The following DEPTOR variants were observed in gnomAD, a reference collection of about 807,000 sequenced individuals.
DEPTOR encodes DEP domain containing MTOR interacting protein.
A neutral mutation model predicts 41.6 loss-of-function variants in DEPTOR; 41 were observed. The ratio of observed to expected loss-of-function variants is 0.98; its 90% CI spans 0.77 to 1.28. DEPTOR has a LOEUF of 1.28. DEPTOR is among the 50% of genes most tolerant of loss of function. DEPTOR has a pLI of 0.00. For missense variants in DEPTOR, 514 were observed against 527.9 expected, an observed-to-expected ratio of 0.97 and a Z score of 0.26; for synonymous variants, 195 against 192.3, an observed-to-expected ratio of 1.01 and a Z score of -0.12.
intron 1 of DEPTOR, among the ~76,000 whole-genome samples, chr8:119,905,189 T>C (rs867705914): frequency 1.1e-4 from 16 of 152,174 alleles, no homozygotes; most frequent in Middle Eastern, 6.8e-3. Context: ...ATGAAAACCA[T>C]TGGAATCTTG....
intron 1 of DEPTOR, among the ~76,000 whole-genome samples, chr8:119,900,361 T>A (rs1827573172): frequency 7.7e-6 from 1 of 129,828 alleles, no homozygotes; most frequent in African/African-American, 2.8e-5. Flanking sequence ...AAACTAAATG[T>A]CTATTACACA....
chr8:120,023,387 C>T (rs1264341835), intron 8 of DEPTOR, among the ~76,000 whole-genome samples: 2 of 151,992 alleles, frequency 1.3e-5, no homozygotes, highest in African/African-American at 4.8e-5. Flanking sequence ...ATTACAGGCA[C>T]GCACTACCAT....
chr8:120,005,299 C>T (rs1812416405), intron 6 of DEPTOR, among the ~76,000 whole-genome samples: 1 of 152,222 alleles, frequency 6.6e-6, no homozygotes. Context: ...GACCTACTCC[C>T]TCTTGTTTGG....
chr8:119,941,112 G>A (rs1187955902), intron 3 of DEPTOR, among the ~76,000 whole-genome samples: 1 of 152,066 alleles, frequency 6.6e-6, no homozygotes, highest in Non-Finnish European at 1.5e-5. Context: ...GGTGGCAGAT[G>A]CCTGTAATCC....
At chr8:119,911,031 A>G (rs1439780137) in intron 1 of DEPTOR, among the ~76,000 whole-genome samples, 1 of 152,042 alleles carries the variant, frequency 6.6e-6, no homozygotes, top group East Asian at 1.9e-4. Flanking sequence ...GTGCTGTTTT[A>G]TCTTTTCAAC....
At chr8:119,902,151 T>C (rs1827601878) in intron 1 of DEPTOR, among the ~76,000 whole-genome samples, 1 of 152,174 alleles carries the variant, frequency 6.6e-6, no homozygotes, top group Admixed American at 6.5e-5. Context: ...ATGAAAAGCT[T>C]TACGTGAAGT....
At chr8:119,927,584 T>C (rs1002704146) in intron 1 of DEPTOR, among the ~76,000 whole-genome samples, 4 of 147,100 alleles carry the variant, frequency 2.7e-5, no homozygotes, top group Non-Finnish European at 6.0e-5. Flanking sequence ...TATATATACA[T>C]ATATATTATA....
rs1017077563 is a variant in DEPTOR at position 119,928,432 on chromosome 8, A to G, written c.155A>G (p.Asp52Gly). The change falls in exon 2 of 9, where the codon GAT (aspartate) becomes GGT (glycine). Residue 52 changes from aspartate (D) to glycine (G), a missense_variant. Coordinates refer to ENST00000286234, the MANE Select transcript of DEPTOR (RefSeq NM_022783.4). ...CTGCACGAAGAAAAGGTTATTAAAG[A>G]TAGACGTCATCATCTCAAGACCTAC... ...LRLHEEKVIKDRRHHLKTYPN... is the reference protein window; with the variant it reads ...LRLHEEKVIKGRRHHLKTYPN... 53 of 1,613,924 alleles carry G rather than the reference A, an allele frequency of 3.3e-5. No homozygotes were observed. Among genetic ancestry groups the G allele is most frequent in the Non-Finnish European group, 4.2e-5 (50 of 1,179,976 alleles).
At chr8:119,935,169 G>T (rs1189795433) in intron 3 of DEPTOR, among the ~76,000 whole-genome samples, 1 of 152,148 alleles carries the variant, frequency 6.6e-6, no homozygotes, top group Non-Finnish European at 1.5e-5. Context: ...ATAGCATTTT[G>T]TCTCTTCGGG....
At chr8:120,004,928 G>A (rs1194894952) in intron 6 of DEPTOR, among the ~76,000 whole-genome samples, 1 of 149,888 alleles carries the variant, frequency 6.7e-6, no homozygotes, top group Non-Finnish European at 1.5e-5. Context: ...TTTTAGTACT[G>A]TATATAAATG....
At chr8:119,906,303 A>AAC (rs2129768847) in intron 1 of DEPTOR, among the ~76,000 whole-genome samples, 1 of 151,496 alleles carries the variant, frequency 6.6e-6, no homozygotes, top group East Asian at 2.0e-4. Flanking sequence ...AATACAAAAA[A>AAC]AAAAAAGCCG....
At chr8:119,884,660 C>G (rs1401618085) in intron 1 of DEPTOR, among the ~76,000 whole-genome samples, 1 of 150,534 alleles carries the variant, frequency 6.6e-6, no homozygotes, top group Non-Finnish European at 1.5e-5. Context: ...GTTCCTTATA[C>G]AGATAAGGTT....
intron 6 of DEPTOR, among the ~76,000 whole-genome samples, chr8:120,005,752 T>TG (rs1017785312): frequency 3.3e-5 from 5 of 152,006 alleles, no homozygotes; most frequent in East Asian, 1.9e-4. Flanking sequence ...ACAGGATGGA[T>TG]GGGGGGGTTC....
At chr8:120,027,129 A>G (rs6469892) in intron 8 of DEPTOR, among the ~76,000 whole-genome samples, 23,268 of 151,670 alleles carry the variant, frequency 0.15, 2,709 homozygotes, top group African/African-American at 0.33. Context: ...GAGGCAGGAG[A>G]ATCACTTGAA....
In DEPTOR at chr8:119,979,424, G is replaced by A. The variant is rs1220972203; in HGVS notation, c.604+14014G>A. ...CCCAAGTAGCTGGGACTATGGGCGT[G>A]GCTAATTTTTGTATTTTTCATAGAG... On this transcript the variant is annotated intron_variant, in intron 4 of 8. Coordinates refer to ENST00000286234, the MANE Select transcript of DEPTOR (RefSeq NM_022783.4). 3.3e-5 allele frequency among the ~76,000 whole-genome samples: 5 copies of A among 151,874 alleles called. No homozygotes were observed. The East Asian group carries it at 9.8e-4, about 30-fold the overall frequency.
chr8:119,943,625 G>A (rs553864640), intron 3 of DEPTOR, among the ~76,000 whole-genome samples: 1 of 151,982 alleles, frequency 6.6e-6, no homozygotes, highest in Non-Finnish European at 1.5e-5. Context: ...CATCAGTCAC[G>A]GTTACTGTCA....
At chr8:120,001,009 G>A (rs546978974) in intron 4 of DEPTOR, among the ~76,000 whole-genome samples, 88 of 151,816 alleles carry the variant, frequency 5.8e-4, no homozygotes, top group Non-Finnish European at 9.7e-4. Context: ...CCTGGGAGGC[G>A]GAGGTTGCAG....
Position 120,049,870 on chromosome 8 carries a change from A to G in DEPTOR, c.*166A>G. ...AGTTTTATACACTGAATGTGGAAGAACCGGGTATCATATCTTTTTTAAAAA... is the reference window on the plus strand; with the variant it reads ...AGTTTTATACACTGAATGTGGAAGAGCCGGGTATCATATCTTTTTTAAAAA... On this transcript the variant is annotated 3_prime_UTR_variant, in exon 9 of 9. Coordinates refer to ENST00000286234, the MANE Select transcript of DEPTOR (RefSeq NM_022783.4). 1.4e-6 allele frequency: 1 copy of G among 724,876 alleles called. No homozygotes were observed. Among genetic ancestry groups the G allele is most frequent in the Middle Eastern group, 4.4e-4 (1 of 2,254 alleles). 44.9% of individuals were successfully genotyped at this position (724,876 alleles called of 1,614,324 possible).
At chr8:120,021,584 T>C (rs1169554214) in intron 8 of DEPTOR, among the ~76,000 whole-genome samples, 1 of 152,152 alleles carries the variant, frequency 6.6e-6, no homozygotes, top group Non-Finnish European at 1.5e-5. Context: ...AAACACAAAG[T>C]AACAGAATAG....
Sources: allele counts gnomAD v4.1 joint callset (sites outside exome capture counted in the v4.1 genomes callset), GRCh38; gene constraint gnomAD v4.1.1; transcripts MANE v1.5; gene names NCBI Gene and HGNC (gene_info 2026-07-23, HGNC 2026-07-21).